Variants in HAS3 observed in about 807,000 individuals in gnomAD.
HAS3 encodes the protein hyaluronan synthase 3.
HAS3 carries 27 observed loss-of-function variants against 50.3 expected under a neutral mutation model. The observed-to-expected ratio is 0.54, with a 90% CI of 0.40 to 0.74. The LOEUF (loss-of-function observed/expected upper bound fraction) is 0.74, where lower values mean the gene tolerates loss of function less well. Among genes scored for constraint, HAS3 ranks in the 30% least tolerant of loss-of-function variants. The pLI, the probability that HAS3 is intolerant of heterozygous loss-of-function variation, is 0.00. For missense variants in HAS3, 517 were observed against 742.8 expected (o/e 0.70, Z 3.53); for synonymous variants, 339 against 310.9 (o/e 1.09, Z -0.95).
rs1161181399 is a variant in HAS3 at position 69,114,128 on chromosome 16, A to G, written c.739-215A>G. Among the ~76,000 whole-genome samples, 3 of 152,208 alleles carry G rather than the reference A, an allele frequency of 2.0e-5. No individual in the cohort carries two copies. The highest frequency in any genetic ancestry group is 2.1e-4 in the South Asian group (1 of 4,836). On this transcript the variant is annotated intron_variant, in intron 3 of 3. Transcript: ENST00000569188. The surrounding 1 kb of genome is among the most constrained non-coding windows in gnomAD (Gnocchi z 6.4). ...CTTAGTGGGGAAAATCTCTGCAGAT[A>G]AGATGACACAGTAGGGAGGTAGAGC... is the stretch of plus-strand genomic sequence containing the variant.
upstream of HAS3, among the ~76,000 whole-genome samples, chr16:69,104,960 G>C (rs1960746474): frequency 8.0e-6 from 1 of 125,658 alleles, no homozygotes; most frequent in South Asian, 2.9e-4. Context: ...TATATCAGGT[G>C]TATTTGGAAA....
At chr16:69,093,358 C>T in the HAS3 span, among the ~76,000 whole-genome samples, 1 of 150,692 alleles carries the variant, frequency 6.6e-6, no homozygotes. Flanking sequence ...ATTACAGGCG[C>T]ATGCCACCAC....
chr16:69,102,349 C>T (rs1027729504), upstream of HAS3, among the ~76,000 whole-genome samples: 2 of 152,170 alleles, frequency 1.3e-5, no homozygotes, highest in Non-Finnish European at 2.9e-5. Context: ...GGAATTAGCC[C>T]TATTTCTAAA....
chr16:69,091,539 C>T, the HAS3 span, among the ~76,000 whole-genome samples: 1 of 152,146 alleles, frequency 6.6e-6, no homozygotes, highest in African/African-American at 2.4e-5. Flanking sequence ...GCTGACTTTG[C>T]TTTAACACCC....
chr16:69,113,396 G>A, intron 2 of HAS3, 45 bp from the exon 3 acceptor site: 1 of 1,251,042 alleles, frequency 8.0e-7, no homozygotes, highest in Non-Finnish European at 1.2e-6. Flanking sequence ...GACAGGGTGT[G>A]CAGGTCTGAG....
the HAS3 span, among the ~76,000 whole-genome samples, chr16:69,091,185 A>T: frequency 6.6e-6 from 1 of 152,070 alleles, no homozygotes; most frequent in Admixed American, 6.6e-5. Flanking sequence ...TTATTACCAT[A>T]TTTTATTACC....
chr16:69,099,550 T>G, the HAS3 span, among the ~76,000 whole-genome samples: 35 of 150,856 alleles, frequency 2.3e-4, no homozygotes, highest in African/African-American at 7.8e-4. Context: ...ATGATCTCGA[T>G]CTCCTGACCT....
chr16:69,110,143 C>T (rs532192998), intron 2 of HAS3, 112 bp downstream of exon 2: 749 of 1,070,150 alleles, frequency 7.0e-4, no homozygotes, highest in Non-Finnish European at 7.7e-4. Flanking sequence ...TGTGCACACA[C>T]CTGTGCACTT....
Position 69,115,860 on chromosome 16 carries a change from A to G in HAS3, c.*594A>G, listed in dbSNP as rs1055184912. 1.0e-6 allele frequency: 1 copy of G among 985,774 alleles called. No individual in the cohort carries two copies. The highest frequency in any genetic ancestry group is 1.7e-5 in the African/African-American group (1 of 57,246). The allele number at this position is 985,774 out of a possible 1,614,324, so 61.1% of individuals were successfully genotyped here. On this transcript the variant is annotated 3_prime_UTR_variant, in exon 4 of 4. Coordinates refer to ENST00000569188, the MANE Select transcript of HAS3 (RefSeq NM_001199280.2). ...ATGTGAGATACCCCACTCCACATCAACATTCCAGGGATGAGCCAAACCAGC... is the reference window on the plus strand; with the variant it reads ...ATGTGAGATACCCCACTCCACATCAGCATTCCAGGGATGAGCCAAACCAGC...
chr16:69,100,112 G>C, the HAS3 span, among the ~76,000 whole-genome samples: 1 of 152,066 alleles, frequency 6.6e-6, no homozygotes, highest in South Asian at 2.1e-4. Flanking sequence ...CCATTCTAAC[G>C]GCAGCACAGG....
chr16:69,083,848 C>T, the HAS3 span: 4 of 587,268 alleles, frequency 6.8e-6, no homozygotes, highest in Admixed American at 3.1e-5. Flanking sequence ...AGCACTCCCG[C>T]GTTCAGCCTG....
chr16:69,104,076 G>A (rs935413541), upstream of HAS3, among the ~76,000 whole-genome samples: 1 of 152,058 alleles, frequency 6.6e-6, no homozygotes, highest in Non-Finnish European at 1.5e-5. Context: ...AGGCTGAGGC[G>A]GAAGGGCTGC....
the HAS3 span, among the ~76,000 whole-genome samples, chr16:69,100,639 G>A: frequency 6.6e-6 from 1 of 152,232 alleles, no homozygotes; most frequent in African/African-American, 2.4e-5. Flanking sequence ...CAGCGGAGCA[G>A]AACCGTGGGA....
the HAS3 span, among the ~76,000 whole-genome samples, chr16:69,087,998 C>T: frequency 2.5e-3 from 384 of 152,174 alleles, 2 homozygotes; most frequent in African/African-American, 8.5e-3. Flanking sequence ...GCTACTGCAC[C>T]CGGCCCTTGC....
Position 69,114,009 on chromosome 16 carries a change from TGTG to T in HAS3, c.739-327_739-325del, listed in dbSNP as rs1218916233. Reference sequence around the variant, plus strand: ...CCACAGAAATCTCAGGACAGGTGGTTGTGGTGGTGTTTTGCATTCTTCCCAAGC... The same window carrying T: ...CCACAGAAATCTCAGGACAGGTGGTTGTGGTGTTTTGCATTCTTCCCAAGC... On this transcript the variant is annotated intron_variant, in intron 3 of 3. Transcript: ENST00000569188. The surrounding 1 kb of genome is among the most constrained non-coding windows in gnomAD (Gnocchi z 6.4). Among the ~76,000 whole-genome samples, 6 of 152,314 alleles carry T rather than the reference TGTG, an allele frequency of 3.9e-5. No homozygotes were observed. Among genetic ancestry groups the T allele is most frequent in the Non-Finnish European group, 5.9e-5 (4 of 68,024 alleles).
chr16:69,105,990 C>T (rs1960778619), intron 1 of HAS3, among the ~76,000 whole-genome samples: 2 of 152,230 alleles, frequency 1.3e-5, no homozygotes, highest in African/African-American at 2.4e-5. Context: ...GACCCAGCTT[C>T]GGAGAGGGCG....
In HAS3 at chr16:69,107,393, G is replaced by A. The variant is rs1960837807; in HGVS notation, c.-1+1606G>A. 1 of 985,340 alleles carries A rather than the reference G, an allele frequency of 1.0e-6. No homozygotes were observed. Among genetic ancestry groups the A allele is most frequent in the Admixed American group, 6.1e-5 (1 of 16,274 alleles). The allele number at this position is 985,340 out of a possible 1,614,324, so 61.0% of individuals were successfully genotyped here. ...AGGCACACTTTGCCAAGGTAGCTGG[G>A]GTACCAGGAAGAGCAGGGCCTGGTC... On this transcript the variant is annotated intron_variant, in intron 1 of 3. Transcript: ENST00000569188. The surrounding 1 kb of genome is among the most constrained non-coding windows in gnomAD (Gnocchi z 5.5).
rs1318338711 is a variant in HAS3, at chr16:69,107,636, C to T, written c.1-1760C>T. 1.2e-5 allele frequency: 12 copies of T among 985,380 alleles called. No individual in the cohort carries two copies. Among genetic ancestry groups the T allele is most frequent in the Non-Finnish European group, 1.4e-5 (12 of 829,990 alleles). The allele number at this position is 985,380 out of a possible 1,614,324, so 61.0% of individuals were successfully genotyped here. A position where few individuals can be genotyped will look rare whatever the true frequency, so the allele number is the denominator to read the frequency against. On this transcript the variant is annotated intron_variant, in intron 1 of 3. Coordinates refer to ENST00000569188, the MANE Select transcript of HAS3 (RefSeq NM_001199280.2). This position sits in a 1 kb window ranked among gnomAD's most constrained non-coding sequence, Gnocchi z 5.5. Reference sequence around the variant, plus strand: ...CCAGGTTGCTGGGCTGGCCTTGGCGCCCCCTTCCCCTACCCAGAGCGCAGG... The same window carrying T: ...CCAGGTTGCTGGGCTGGCCTTGGCGTCCCCTTCCCCTACCCAGAGCGCAGG...
chr16:69,090,050 G>A, the HAS3 span, among the ~76,000 whole-genome samples: 1 of 152,036 alleles, frequency 6.6e-6, no homozygotes, highest in Non-Finnish European at 1.5e-5. Context: ...TTACTACATC[G>A]GAAGACCCTC....
Sources: gnomAD v4.1 joint callset for allele counts (sites outside exome capture counted in the v4.1 genomes callset) on GRCh38, gnomAD v4.1.1 for gene constraint, Gnocchi (gnomAD v3.1) non-coding constraint, MANE v1.5 for transcripts, NCBI Gene and HGNC (gene_info 2026-07-23, HGNC 2026-07-21) for gene names.